Variants in RTN3 observed in about 807,000 individuals in gnomAD.
RTN3 encodes the protein reticulon 3.
RTN3 carries 49 observed loss-of-function variants against 77.8 expected under a neutral mutation model. The ratio of observed to expected loss-of-function variants is 0.63; its 90% CI spans 0.50 to 0.80. The LOEUF is 0.80. Ranked by LOEUF, RTN3 falls within the 30% of genes least tolerant of loss-of-function variation. RTN3 has a pLI of 0.00. For missense variants in RTN3, 1,236 were observed against 1,211.9 expected (o/e 1.02, Z -0.29); for synonymous variants, 464 against 446.9 (o/e 1.04, Z -0.48).
chr11:63,696,443 C>CA (rs1292478443), intron 1 of RTN3, among the ~76,000 whole-genome samples: 1 of 151,686 alleles, frequency 6.6e-6, no homozygotes, highest in Non-Finnish European at 1.5e-5. Context: ...TGCGGTGGCT[C>CA]ACGCCTGTAA....
At position 63,694,576 on chromosome 11, in the gene RTN3, C is replaced by G. The variant is rs536194364; in HGVS notation, c.143-10275C>G. ...CAACGTCCATGTCCTGGGCTCAAGC[C>G]GTCCTCCCACCTCAGCCTCCGGAGT... On this transcript the variant is annotated intron_variant, in intron 1 of 8. Transcript: ENST00000377819. Among the ~76,000 whole-genome samples the G allele has an allele frequency of 4.6e-5, 7 of 152,150 alleles. No homozygotes were observed. In the East Asian group the frequency reaches 1.2e-3, roughly 25 times the overall value.
intron 7 of RTN3, among the ~76,000 whole-genome samples, chr11:63,754,692 T>G (rs1394694998): frequency 1.6e-5 from 1 of 64,436 alleles, no homozygotes; most frequent in East Asian, 5.2e-4. Flanking sequence ...AGAGCAAGAC[T>G]CCATCTCAAA....
intron 2 of RTN3, among the ~76,000 whole-genome samples, chr11:63,716,979 C>CAAAAAAAAAAAAAAA (rs6144367): frequency 2.5e-5 from 3 of 120,158 alleles, no homozygotes; most frequent in East Asian, 2.4e-4. Context: ...AAAAAAAAAA[C>CAAAAAAAAAAAAAAA]AAAAAAAAAA....
In RTN3 at chr11:63,681,683, C is replaced by A. The variant is rs1342155686; in HGVS notation, c.47C>A (p.Ser16Ter). 1 of 1,611,742 alleles carries A rather than the reference C, an allele frequency of 6.2e-7. No individual in the cohort carries two copies. The highest frequency in any genetic ancestry group is 8.5e-7 in the Non-Finnish European group (1 of 1,178,922). Residue 16 changes from serine to a stop codon, truncating the protein, a stop_gained, in exon 1 of 9, where the codon TCG becomes TAG. Coordinates refer to ENST00000377819, the MANE Select transcript of RTN3 (RefSeq NM_001265589.2). LOFTEE classifies it high-confidence loss of function. ...ACTCAGTCCCATTCCATCTCCTCGT[C>A]GTCCTTCGGAGCCGAGCCGTCCGCG... The part of the protein sequence containing the change: ...AATQSHSISS[S>*]SFGAEPSAPG...
intron 3 of RTN3, among the ~76,000 whole-genome samples, chr11:63,724,062 A>C (rs770516451): frequency 6.6e-6 from 1 of 152,168 alleles, no homozygotes; most frequent in Non-Finnish European, 1.5e-5. Context: ...ATGCAAGGAA[A>C]TAAGCATATA....
At chr11:63,717,972 G>A (rs576695283) in intron 2 of RTN3, among the ~76,000 whole-genome samples, 7 of 147,776 alleles carry the variant, frequency 4.7e-5, no homozygotes, top group Non-Finnish European at 1.0e-4. Context: ...CTGAGATTGC[G>A]CCATTGCACT....
chr11:63,745,750 C>T lies in RTN3; in HGVS notation c.2531-4241C>T, dbSNP rs2013757061. Among the ~76,000 whole-genome samples, 4 of 152,178 alleles carry T rather than the reference C, an allele frequency of 2.6e-5. No individual in the cohort carries two copies. In the South Asian group the frequency reaches 8.3e-4, roughly 31 times the overall value. On this transcript the variant is annotated intron_variant, in intron 3 of 8. Coordinates refer to ENST00000377819, the MANE Select transcript of RTN3 (RefSeq NM_001265589.2). ...TTTGTAGGTTTGAATATTTCTATTT[C>T]TTATGAGTTTTCCAGCAGATGGCAG...
intron 6 of RTN3, among the ~76,000 whole-genome samples, 192 bp from the exon 7 acceptor site, chr11:63,753,470 G>GT (rs202100472): frequency 1.3e-5 from 2 of 152,008 alleles, no homozygotes; most frequent in Non-Finnish European, 2.9e-5. Context: ...ACCTGAAGAG[G>GT]TTTTTTTTGT....
intron 1 of RTN3, among the ~76,000 whole-genome samples, chr11:63,703,470 G>A (rs193250403): frequency 6.6e-6 from 1 of 152,200 alleles, no homozygotes; most frequent in East Asian, 1.9e-4. Flanking sequence ...GCCAAAGCAA[G>A]TGATAGGTGT....
chr11:63,722,641 A>T (rs951678020), intron 3 of RTN3, among the ~76,000 whole-genome samples: 1 of 152,206 alleles, frequency 6.6e-6, no homozygotes, highest in South Asian at 2.1e-4. Context: ...TTGAATTACC[A>T]ATTAAGGATA....
In RTN3 at chr11:63,749,966, C is replaced by T. The variant is rs773931615; in HGVS notation, c.2531-25C>T. 4.5e-6 allele frequency: 7 copies of T among 1,567,852 alleles called. No homozygotes were observed. The East Asian group carries it at 1.6e-4, about 35-fold the overall frequency. On this transcript the variant is annotated intron_variant, in intron 3 of 8. Transcript: ENST00000377819. The stretch of plus-strand genomic sequence containing the variant: ...TAGTAGCTGTGGATGTTTCTTATAA[C>T]TTATATTCCCTTTTCTTTTGTCAGT...
chr11:63,750,143 A>C lies in RTN3; in HGVS notation c.2683A>C (p.Ile895Leu). 6.2e-7 allele frequency: 1 copy of C among 1,613,012 alleles called. No homozygotes were observed. The highest frequency in any genetic ancestry group is 2.2e-5 in the East Asian group (1 of 44,882). ...TCTCTCTGTCACCATCAGCTTCAGGATCTACAAGTCCGTCATCCAAGCTGT... is the reference window on the plus strand; with the variant it reads ...TCTCTCTGTCACCATCAGCTTCAGGCTCTACAAGTCCGTCATCCAAGCTGT... Reference protein sequence around the residue: ...ALLSVTISFRIYKSVIQAVQK... With the variant: ...ALLSVTISFRLYKSVIQAVQK... The change falls in exon 4 of 9, where the codon ATC becomes CTC. Residue 895 changes from isoleucine to leucine, a missense_variant. Ile to Leu is a conservative substitution (Grantham distance 5, BLOSUM62 2). This residue lies in a region of RTN3 where 39 missense variants were observed against 66.6 expected (regional missense o/e 0.59). Transcript: ENST00000377819.
chr11:63,725,158 A>T (rs1163121177), intron 3 of RTN3, among the ~76,000 whole-genome samples: 3 of 152,168 alleles, frequency 2.0e-5, no homozygotes, highest in African/African-American at 7.2e-5. Flanking sequence ...TAACACCGTC[A>T]TGGACCTGGT....
rs763731605 is a variant in RTN3, at chr11:63,718,745, T to G, written c.243T>G (p.Ile81Met). Residue 81 changes from isoleucine (I) to methionine (M), a missense_variant, in exon 3 of 9, where the codon ATT becomes ATG. Around this residue, in one of 3 missense-constraint regions of RTN3, gnomAD observed 1,056 missense variants for 990.4 expected, o/e 1.07. Coordinates refer to ENST00000377819, the MANE Select transcript of RTN3 (RefSeq NM_001265589.2). ...GCTCTGATGAGCCATCTTCAGAAAT[T>G]ATGACTTCTTCCTTTCTTTCATCTT... ...SLCSDEPSSE[I>M]MTSSFLSSSE... 6 of 1,601,760 alleles carry G rather than the reference T, an allele frequency of 3.7e-6. No individual in the cohort carries two copies. The South Asian group carries it at 4.6e-5, about 12-fold the overall frequency.
chr11:63,690,957 CTA>C, intron 1 of RTN3, among the ~76,000 whole-genome samples: 1 of 152,220 alleles, frequency 6.6e-6, no homozygotes, highest in South Asian at 2.1e-4. Context: ...GCTATCTCCA[CTA>C]TCTAATTCCA....
At position 63,758,525 on chromosome 11, in the gene RTN3, C is replaced by T. The variant is rs11551936; in HGVS notation, c.*324C>T. The T allele has an allele frequency of 5.0e-6, 3 of 595,786 alleles. No homozygotes were observed. The highest frequency in any genetic ancestry group is 2.5e-5 in the South Asian group (1 of 39,394). The allele number at this position is 595,786 out of a possible 1,614,324, so 36.9% of individuals were successfully genotyped here. ...GGAGGTAAGAGAGAAAATGAAAGAA[C>T]ACCTCTGGGTCCTTCTGTCCAGTTT... On this transcript the variant is annotated 3_prime_UTR_variant, in exon 9 of 9. Transcript: ENST00000377819.
chr11:63,756,981 G>T (rs1565051143), intron 8 of RTN3, among the ~76,000 whole-genome samples: 1 of 152,172 alleles, frequency 6.6e-6, no homozygotes, highest in Non-Finnish European at 1.5e-5. Context: ...GGGAGGCGAG[G>T]TTGCAGTGAG....
chr11:63,695,951 ATTC>A (rs1941915620), intron 1 of RTN3, among the ~76,000 whole-genome samples: 1 of 152,214 alleles, frequency 6.6e-6, no homozygotes, highest in Non-Finnish European at 1.5e-5. Flanking sequence ...CCTTTGTAAT[ATTC>A]TTTTTTATTA....
intron 3 of RTN3, among the ~76,000 whole-genome samples, chr11:63,744,089 A>G (rs1371802600): frequency 6.6e-6 from 1 of 151,858 alleles, no homozygotes; most frequent in African/African-American, 2.4e-5. Flanking sequence ...TAAACATACA[A>G]AAAATTAGCC....
Sources: allele counts gnomAD v4.1 joint callset (sites outside exome capture counted in the v4.1 genomes callset), GRCh38; gene constraint gnomAD v4.1.1; regional missense constraint gnomAD v4.1.1; transcripts MANE v1.5; gene names NCBI Gene and HGNC (gene_info 2026-07-23, HGNC 2026-07-21).